Variants in GALNTL6 observed in about 807,000 individuals in gnomAD.
The protein encoded by GALNTL6 is polypeptide N-acetylgalactosaminyltransferase-like 6.
In GALNTL6, 46 loss-of-function variants were observed where a neutral mutation model predicts 73.7. The observed-to-expected ratio is 0.62, with a 90% CI of 0.49 to 0.80. The LOEUF (loss-of-function observed/expected upper bound fraction) is 0.80, where lower values mean the gene tolerates loss of function less well. Among genes scored for constraint, GALNTL6 ranks in the 30% least tolerant of loss-of-function variants. The pLI is 0.00. For synonymous variants in GALNTL6, 259 were observed against 263.7 expected, an observed-to-expected ratio of 0.98 and a Z score of 0.17; for missense variants, 604 against 755.0, an observed-to-expected ratio of 0.80 and a Z score of 2.34.
intron 8 of GALNTL6, among the ~76,000 whole-genome samples, chr4:172,899,353 C>A (rs1746497935): frequency 6.6e-6 from 1 of 152,128 alleles, no homozygotes; most frequent in Non-Finnish European, 1.5e-5. Flanking sequence ...CCTGAAATAC[C>A]ATCTATTAAA....
chr4:172,044,540 A>C (rs531835799), intron 2 of GALNTL6, among the ~76,000 whole-genome samples: 1 of 152,084 alleles, frequency 6.6e-6, no homozygotes, highest in Non-Finnish European at 1.5e-5. Context: ...CAAAAATGAA[A>C]GTAACATCAG....
chr4:172,034,155 A>C (rs1190236070), intron 2 of GALNTL6, among the ~76,000 whole-genome samples: 2 of 152,062 alleles, frequency 1.3e-5, no homozygotes, highest in African/African-American at 4.8e-5. Flanking sequence ...TTCTATATGT[A>C]ATGTAATAAG....
At chr4:172,625,686 T>C (rs1189096296) in intron 5 of GALNTL6, among the ~76,000 whole-genome samples, 1 of 152,060 alleles carries the variant, frequency 6.6e-6, no homozygotes, top group African/African-American at 2.4e-5. Context: ...CCAATGTCTG[T>C]TGTGTATTGA....
chr4:172,056,345 T>C (rs1579094368), intron 2 of GALNTL6, among the ~76,000 whole-genome samples: 1 of 152,302 alleles, frequency 6.6e-6, no homozygotes, highest in East Asian at 1.9e-4. Flanking sequence ...CTTTCGTATA[T>C]ACAAGTACCA....
chr4:171,829,842 G>C (rs1473893744), intron 2 of GALNTL6, among the ~76,000 whole-genome samples: 4 of 151,932 alleles, frequency 2.6e-5, no homozygotes, highest in African/African-American at 9.7e-5. Flanking sequence ...TGAAACCTGT[G>C]AGTATTATCT....
chr4:172,829,440 A>G (rs1289467204), intron 7 of GALNTL6, among the ~76,000 whole-genome samples: 1 of 152,174 alleles, frequency 6.6e-6, no homozygotes, highest in African/African-American at 2.4e-5. Flanking sequence ...TCCATGTTTG[A>G]GCAGCACAAT....
intron 5 of GALNTL6, among the ~76,000 whole-genome samples, chr4:172,552,221 A>G (rs1194853030): frequency 1.3e-5 from 2 of 152,098 alleles, no homozygotes; most frequent in African/African-American, 2.4e-5. Context: ...GAAATTGGCC[A>G]CCAACGCCCA....
chr4:172,658,011 G>C (rs1372078645), intron 5 of GALNTL6, among the ~76,000 whole-genome samples: 1 of 147,254 alleles, frequency 6.8e-6, no homozygotes, highest in Non-Finnish European at 1.5e-5. Context: ...TTAGCCGGGC[G>C]TAGTGGCGGG....
At chr4:171,927,215 A>T (rs997819026) in intron 2 of GALNTL6, among the ~76,000 whole-genome samples, 5 of 152,158 alleles carry the variant, frequency 3.3e-5, no homozygotes, top group African/African-American at 1.2e-4. Context: ...CATTTATAAT[A>T]AGGTGTTTTA....
At chr4:172,566,814 G>A (rs766005129) in intron 5 of GALNTL6, among the ~76,000 whole-genome samples, 11 of 151,704 alleles carry the variant, frequency 7.3e-5, no homozygotes, top group Non-Finnish European at 4.4e-5. Flanking sequence ...AAATAAAATC[G>A]TAAATGACAT....
chr4:172,332,487 T>C (rs953454630), intron 4 of GALNTL6, among the ~76,000 whole-genome samples: 28 of 151,912 alleles, frequency 1.8e-4, no homozygotes, highest in African/African-American at 6.5e-4. Context: ...CTAGTCCTTG[T>C]TATCTACTTT....
chr4:172,279,414 A>ATT lies in GALNTL6; in HGVS notation c.248-32195_248-32194dup, dbSNP rs34748665. ...AAATGAATAAATGACTTCAATAGACATTTTTTCCAAAGCAGATATACAAAA... is the reference window on the plus strand; with the variant it reads ...AAATGAATAAATGACTTCAATAGACATTTTTTTTCCAAAGCAGATATACAAAA... On this transcript the variant is annotated intron_variant, in intron 3 of 12. Transcript: ENST00000506823. 2.0e-5 allele frequency among the ~76,000 whole-genome samples: 3 copies of ATT among 152,028 alleles called. No individual in the cohort carries two copies. In the East Asian group the frequency reaches 5.8e-4, roughly 29 times the overall value.
intron 5 of GALNTL6, among the ~76,000 whole-genome samples, chr4:172,514,920 C>T (rs1414564729): frequency 6.6e-6 from 1 of 152,208 alleles, no homozygotes; most frequent in East Asian, 1.9e-4. Context: ...GACTTTCCCC[C>T]TCTCACACCT....
intron 2 of GALNTL6, among the ~76,000 whole-genome samples, chr4:171,992,457 A>G (rs978008084): frequency 6.6e-6 from 1 of 152,046 alleles, no homozygotes; most frequent in Non-Finnish European, 1.5e-5. Context: ...GGACCAGTGC[A>G]GAACAGGTAA....
intron 5 of GALNTL6, among the ~76,000 whole-genome samples, chr4:172,640,188 T>A (rs554392406): frequency 6.6e-6 from 1 of 152,268 alleles, no homozygotes; most frequent in Admixed American, 6.5e-5. Flanking sequence ...GCACAGTTAG[T>A]TCTGAGTACT....
intron 10 of GALNTL6, among the ~76,000 whole-genome samples, chr4:172,994,908 C>T (rs999647430): frequency 3.9e-5 from 6 of 152,168 alleles, no homozygotes; most frequent in Non-Finnish European, 5.9e-5. Flanking sequence ...CAGAGCTTAA[C>T]AACTGTATAT....
At chr4:172,176,617 C>G (rs907345766) in intron 2 of GALNTL6, among the ~76,000 whole-genome samples, 2 of 151,824 alleles carry the variant, frequency 1.3e-5, no homozygotes, top group Non-Finnish European at 2.9e-5. Context: ...TAGTGAGACT[C>G]TGCCTCAACA....
intron 5 of GALNTL6, among the ~76,000 whole-genome samples, chr4:172,478,656 A>G: frequency 6.6e-6 from 1 of 152,198 alleles, no homozygotes; most frequent in East Asian, 1.9e-4. Context: ...AAAAATGAAT[A>G]AATGAGATAA....
At chr4:172,438,063 T>C (rs937522355) in intron 5 of GALNTL6, among the ~76,000 whole-genome samples, 1 of 152,134 alleles carries the variant, frequency 6.6e-6, no homozygotes, top group Non-Finnish European at 1.5e-5. Flanking sequence ...TTTCTACTAA[T>C]TGTGGTGTTT....
Sources: allele counts gnomAD v4.1 joint callset (sites outside exome capture counted in the v4.1 genomes callset), GRCh38; gene constraint gnomAD v4.1.1; transcripts MANE v1.5; gene names NCBI Gene and HGNC (gene_info 2026-07-23, HGNC 2026-07-21).